The following GPRIN2 variants were observed in gnomAD, a reference collection of about 807,000 sequenced individuals.
GPRIN2 encodes G protein-regulated inducer of neurite outgrowth 2.
Under a neutral mutation model 0.3 loss-of-function variants are expected in GPRIN2, and 1 was observed. That is an observed-to-expected ratio of 3.90 (90% CI 1.39 to 18.51). The LOEUF is 18.51. Ranked by LOEUF, GPRIN2 falls within the 30% of genes most tolerant of loss-of-function variation. The pLI, the probability that GPRIN2 is intolerant of heterozygous loss-of-function variation, is 0.11. For missense variants in GPRIN2, 880 were observed against 604.2 expected, an observed-to-expected ratio of 1.46 and a Z score of -4.79; for synonymous variants, 361 against 258.6, an observed-to-expected ratio of 1.40 and a Z score of -3.80.
chr10:46,557,104 C>A (rs960465525), upstream of GPRIN2, among the ~76,000 whole-genome samples: 1 of 151,996 alleles, frequency 6.6e-6, no homozygotes, highest in Non-Finnish European at 1.5e-5. Context: ...CCTTTCCTCT[C>A]GCCTTCTCCA....
At chr10:46,557,435 C>T (rs1337621525), upstream of GPRIN2, among the ~76,000 whole-genome samples, 1 of 152,312 alleles carries the variant, frequency 6.6e-6, no homozygotes, top group Non-Finnish European at 1.5e-5. Flanking sequence ...GACTGGTAAT[C>T]TACCACCCCT....
In GPRIN2 at chr10:46,549,784, G is replaced by A; in HGVS notation, c.953C>T (p.Ser318Leu). The change falls in exon 3 of 3, where the codon TCA (serine) becomes TTA (leucine). Residue 318 changes from serine to leucine, a missense_variant. Coordinates refer to ENST00000374314, the MANE Select transcript of GPRIN2 (RefSeq NM_001385282.1). Reference sequence around the variant, plus strand: ...CTCTGCAGGGGCCAAGTCATTGGCTGAGGTCATGGTCCACACATCTTTGGT... The same window carrying A: ...CTCTGCAGGGGCCAAGTCATTGGCTAAGGTCATGGTCCACACATCTTTGGT... ...SRTKDVWTMT[S>L]ANDLAPAEAS... The A allele has an allele frequency of 6.2e-7, 1 of 1,614,186 alleles. No individual in the cohort carries two copies. The highest frequency in any genetic ancestry group is 1.7e-5 in the Admixed American group (1 of 60,038).
Position 46,550,261 on chromosome 10 carries a change from C to G in GPRIN2, c.476G>C (p.Gly159Ala). 1 of 1,611,230 alleles carries G rather than the reference C, an allele frequency of 6.2e-7. No individual in the cohort carries two copies. Among genetic ancestry groups the G allele is most frequent in the East Asian group, 2.2e-5 (1 of 44,822 alleles). Reference sequence around the variant, plus strand: ...CTGGCCACCCTGGCCAGAAGTACCACCTGGCTGCAGCTGAGCCCTGTGGAC... The same window carrying G: ...CTGGCCACCCTGGCCAGAAGTACCAGCTGGCTGCAGCTGAGCCCTGTGGAC... ...SPVHRAQLQP[G>A]GTSGQGGQAP... The change falls in exon 3 of 3, where the codon GGT becomes GCT. Residue 159 changes from glycine to alanine, a missense_variant. Gly to Ala is a moderately conservative substitution (Grantham distance 60). Transcript: ENST00000374314.
rs1833019479 is a variant in GPRIN2, at chr10:46,543,822, G to A, written c.*5538C>T. The stretch of plus-strand genomic sequence containing the variant: ...CTTGCTGGGCTATCTCGGGCTTGGA[G>A]TGGGAGAAGCCAGGCAGGAGTCCTG... On this transcript the variant is annotated 3_prime_UTR_variant, in exon 3 of 3. Transcript: ENST00000374314. Among the ~76,000 whole-genome samples the A allele has an allele frequency of 4.6e-5, 7 of 152,430 alleles. No homozygotes were observed. Among genetic ancestry groups the A allele is most frequent in the Admixed American group, 3.3e-4 (5 of 15,314 alleles).
At position 46,547,889 on chromosome 10, in the gene GPRIN2, G is replaced by T. The variant is rs1042047113; in HGVS notation, c.*1471C>A. Among the ~76,000 whole-genome samples the T allele has an allele frequency of 6.6e-6, 1 of 152,306 alleles. No homozygotes were observed. Among genetic ancestry groups the T allele is most frequent in the Admixed American group, 6.5e-5 (1 of 15,294 alleles). On this transcript the variant is annotated 3_prime_UTR_variant, in exon 3 of 3. Transcript: ENST00000374314. ...TCAGGAGGCATCTGACCTGACGCAC[G>T]CCTTTGTCACTTTGTCCTTGTGGCC...
In GPRIN2 at chr10:46,543,959, CTTGT is replaced by C. The variant is rs1841937833; in HGVS notation, c.*5397_*5400del. Reference sequence around the variant, plus strand: ...ATGGGCCCACGTCACTTTGGTTTCGCTTGTTTTTTTTTTTAGTAAACATCAGCTT... The same window carrying C: ...ATGGGCCCACGTCACTTTGGTTTCGCTTTTTTTTTTAGTAAACATCAGCTT... On this transcript the variant is annotated 3_prime_UTR_variant, in exon 3 of 3. Coordinates refer to ENST00000374314, the MANE Select transcript of GPRIN2 (RefSeq NM_001385282.1). Among the ~76,000 whole-genome samples, 1 of 149,734 alleles carries C rather than the reference CTTGT, an allele frequency of 6.7e-6. No homozygotes were observed. The highest frequency in any genetic ancestry group is 2.5e-5 in the African/African-American group (1 of 40,566).
chr10:46,556,228 A>T (rs1211512255), intron 1 of GPRIN2, among the ~76,000 whole-genome samples: 2 of 152,312 alleles, frequency 1.3e-5, no homozygotes, highest in Non-Finnish European at 2.9e-5. Context: ...GCAGGGGTGG[A>T]GGCCGAAGGA....
chr10:46,549,694 A>T lies in GPRIN2; in HGVS notation c.1043T>A (p.Val348Glu). 1 of 1,614,014 alleles carries T rather than the reference A, an allele frequency of 6.2e-7. No individual in the cohort carries two copies. Among genetic ancestry groups the T allele is most frequent in the Non-Finnish European group, 8.5e-7 (1 of 1,179,954 alleles). The change falls in exon 3 of 3, where the codon GTG becomes GAG. Residue 348 changes from valine (V) to glutamate (E), a missense_variant. By Grantham distance (121) the Val-to-Glu change is moderately radical (BLOSUM62 -2). Transcript: ENST00000374314. ...QAAPVAACKA[V>E]ATSPSLEAPA... is the part of the protein sequence containing the mutation. Reference sequence around the variant, plus strand: ...CGCTTCCAGGGACGGACTGGTGGCCACAGCCTTGCAGGCCGCCACTGGGGC... The same window carrying T: ...CGCTTCCAGGGACGGACTGGTGGCCTCAGCCTTGCAGGCCGCCACTGGGGC...
intron 2 of GPRIN2, among the ~76,000 whole-genome samples, chr10:46,552,899 A>G (rs1189424874): frequency 1.3e-5 from 2 of 152,306 alleles, no homozygotes; most frequent in Non-Finnish European, 2.9e-5. Context: ...TAGCCAAGAG[A>G]GAAATCTGAC....
In GPRIN2 at chr10:46,547,877, G is replaced by A. The variant is rs1832829940; in HGVS notation, c.*1483C>T. On this transcript the variant is annotated 3_prime_UTR_variant, in exon 3 of 3. Coordinates refer to ENST00000374314, the MANE Select transcript of GPRIN2 (RefSeq NM_001385282.1). Reference sequence around the variant, plus strand: ...CATCGTTGGGCTTCAGGAGGCATCTGACCTGACGCACGCCTTTGTCACTTT... The same window carrying A: ...CATCGTTGGGCTTCAGGAGGCATCTAACCTGACGCACGCCTTTGTCACTTT... 1.1e-4 allele frequency among the ~76,000 whole-genome samples: 17 copies of A among 152,290 alleles called. No homozygotes were observed. The highest frequency in any genetic ancestry group is 2.2e-4 in the Non-Finnish European group (15 of 68,048).
At position 46,549,749 on chromosome 10, in the gene GPRIN2, G is replaced by C; in HGVS notation, c.988C>G (p.Leu330Val). 6.2e-7 allele frequency: 1 copy of C among 1,614,214 alleles called. No individual in the cohort carries two copies. Among genetic ancestry groups the C allele is most frequent in the Non-Finnish European group, 8.5e-7 (1 of 1,180,016 alleles). Residue 330 changes from leucine to valine, a missense_variant, in exon 3 of 3, where the codon CTG becomes GTG. Coordinates refer to ENST00000374314, the MANE Select transcript of GPRIN2 (RefSeq NM_001385282.1). The stretch of plus-strand genomic sequence containing the variant: ...TGCACACCAGCATCCTGGGCTGACA[G>C]CGGGGATGCCTCTGCAGGGGCCAAG... ...NDLAPAEASP[L>V]SAQDAGVQAA...
rs148764984 is a variant in GPRIN2, at chr10:46,549,845, C to A, written c.892G>T (p.Gly298Cys). 2.2e-5 allele frequency: 36 copies of A among 1,614,218 alleles called. No homozygotes were observed. In the African/African-American group the frequency reaches 4.7e-4, roughly 21 times the overall value. ...GGCTCTGGGACTAACCCAGCGGGAC[C>A]CCAAAGGTGGGCACAGCAATGGGAA... ...GHSHCCAHLW[G>C]PAGLVPEPGS... Residue 298 changes from glycine to cysteine, a missense_variant, in exon 3 of 3, where the codon GGT becomes TGT. Coordinates refer to ENST00000374314, the MANE Select transcript of GPRIN2 (RefSeq NM_001385282.1).
chr10:46,543,093 G>T lies in GPRIN2; in HGVS notation c.*6267C>A, dbSNP rs1833044191. Reference sequence around the variant, plus strand: ...AAACTTGGCACAGCAACCCCAGGGAGACCTCCCTCTGTAAGGAGATGCTCA... The same window carrying T: ...AAACTTGGCACAGCAACCCCAGGGATACCTCCCTCTGTAAGGAGATGCTCA... On this transcript the variant is annotated 3_prime_UTR_variant, in exon 3 of 3. Coordinates refer to ENST00000374314, the MANE Select transcript of GPRIN2 (RefSeq NM_001385282.1). 6.6e-6 allele frequency among the ~76,000 whole-genome samples: 1 copy of T among 152,428 alleles called. No homozygotes were observed. Among genetic ancestry groups the T allele is most frequent in the South Asian group, 2.1e-4 (1 of 4,834 alleles).
rs782185232 is a variant in GPRIN2 at position 46,549,971 on chromosome 10, G to C, written c.766C>G (p.Leu256Val). 1 of 1,614,142 alleles carries C rather than the reference G, an allele frequency of 6.2e-7. No individual in the cohort carries two copies. The highest frequency in any genetic ancestry group is 2.2e-5 in the East Asian group (1 of 44,908). ...CCHALPATGI[L>V]AFPKLVASVS... ...GACGCCACTAGTTTGGGAAAGGCCAGGATCCCTGTGGCAGGTAGGGCATGG... is the reference window on the plus strand; with the variant it reads ...GACGCCACTAGTTTGGGAAAGGCCACGATCCCTGTGGCAGGTAGGGCATGG... The change falls in exon 3 of 3, where the codon CTG becomes GTG. Residue 256 changes from leucine (L) to valine (V), a missense_variant. Coordinates refer to ENST00000374314, the MANE Select transcript of GPRIN2 (RefSeq NM_001385282.1).
chr10:46,546,744 C>A lies in GPRIN2; in HGVS notation c.*2616G>T, dbSNP rs1391392397. ...CCAGTTCCAATCAGAAATGAGGCTG[C>A]AGTCACTTCAGGTAGACCTGTCAGC... On this transcript the variant is annotated 3_prime_UTR_variant, in exon 3 of 3. Coordinates refer to ENST00000374314, the MANE Select transcript of GPRIN2 (RefSeq NM_001385282.1). 2.0e-5 allele frequency among the ~76,000 whole-genome samples: 3 copies of A among 152,428 alleles called. No homozygotes were observed. In the East Asian group the frequency reaches 5.8e-4, roughly 29 times the overall value.
chr10:46,551,211 GCTACTTC>G, intron 2 of GPRIN2, among the ~76,000 whole-genome samples: 1 of 152,298 alleles, frequency 6.6e-6, no homozygotes, highest in Non-Finnish European at 1.5e-5. Context: ...CCAATACTGG[GCTACTTC>G]CTCCTGGGAC....
chr10:46,550,791 C>T (rs1473182605), intron 2 of GPRIN2, 49 bp from the exon 3 acceptor site: 2 of 1,479,226 alleles, frequency 1.4e-6, no homozygotes, highest in Non-Finnish European at 1.8e-6. Context: ...GGTGGCAGCA[C>T]CTAAGCCGAT....
rs140015219 is a variant in GPRIN2 at position 46,550,408 on chromosome 10, C to T, written c.329G>A (p.Arg110Gln). ...CTGCATAGCAGCAGCACTAGGGGCCCGCAGGCGACACAGGTCACTGCCGCC... is the reference window on the plus strand; with the variant it reads ...CTGCATAGCAGCAGCACTAGGGGCCTGCAGGCGACACAGGTCACTGCCGCC... ...TMGGSDLCRL[R>Q]APSAAAMQRS... Residue 110 changes from arginine to glutamine, a missense_variant, in exon 3 of 3, where the codon CGG (arginine) becomes CAG (glutamine). Arg to Gln is a conservative substitution (Grantham distance 43). Transcript: ENST00000374314. 5.1e-3 allele frequency: 8,175 copies of T among 1,603,352 alleles called. No homozygotes were observed. Among genetic ancestry groups the T allele is most frequent in the Middle Eastern group, 0.01 (60 of 5,992 alleles).
chr10:46,557,091 A>C (rs1198995603), upstream of GPRIN2, among the ~76,000 whole-genome samples: 2 of 144,452 alleles, frequency 1.4e-5, no homozygotes, highest in Non-Finnish European at 3.0e-5. Context: ...GCCGGCGGCT[A>C]CCCCTTTCCT....
Sources: gnomAD v4.1 joint callset for allele counts (sites outside exome capture counted in the v4.1 genomes callset) on GRCh38, gnomAD v4.1.1 for gene constraint, MANE v1.5 for transcripts, NCBI Gene and HGNC (gene_info 2026-07-23, HGNC 2026-07-21) for gene names.